Variants in SLC25A48 observed in about 807,000 individuals in gnomAD.
The protein encoded by SLC25A48 is solute carrier family 25 member 48.
SLC25A48 carries 29 observed loss-of-function variants against 32.2 expected under a neutral mutation model. The observed-to-expected ratio is 0.90, with a 90% CI of 0.67 to 1.23. The LOEUF (loss-of-function observed/expected upper bound fraction) is 1.23, where lower values mean the gene tolerates loss of function less well. Among genes scored for constraint, SLC25A48 ranks in the 50% most tolerant of loss-of-function variants. The pLI is 0.00. For synonymous variants in SLC25A48, 164 were observed against 172.3 expected, an observed-to-expected ratio of 0.95 and a Z score of 0.38; for missense variants, 399 against 422.7, an observed-to-expected ratio of 0.94 and a Z score of 0.49.
chr5:135,597,408 G>A (rs776519040), intron 1 of SLC25A48, among the ~76,000 whole-genome samples: 11 of 152,170 alleles, frequency 7.2e-5, no homozygotes, highest in Admixed American at 1.3e-4. Context: ...ACCTGCCTCT[G>A]ACACTGGAAT....
At chr5:135,621,685 C>T (rs1752328241) in intron 1 of SLC25A48, among the ~76,000 whole-genome samples, 1 of 151,662 alleles carries the variant, frequency 6.6e-6, no homozygotes, top group African/African-American at 2.4e-5. Context: ...GGCAATTCAT[C>T]CACTACTAAA....
chr5:135,629,865 A>G lies in SLC25A48; in HGVS notation c.-709+489A>G, dbSNP rs73791016. ...CAGAGAAAACCCTAGGGCAGAAACT[A>G]TCAAGAACTTGCCGAAAGTAGTTGG... On this transcript the variant is annotated intron_variant, in intron 2 of 10. Coordinates refer to the SLC25A48 transcript ENST00000646290. This position sits in a 1 kb window ranked among gnomAD's most constrained non-coding sequence, Gnocchi z 4.8. Among the ~76,000 whole-genome samples, 8 of 152,186 alleles carry G rather than the reference A, an allele frequency of 5.3e-5. No homozygotes were observed. Among genetic ancestry groups the G allele is most frequent in the South Asian group, 2.1e-4 (1 of 4,834 alleles).
chr5:135,757,481 A>AATATC (rs2127014290), intron 3 of SLC25A48, among the ~76,000 whole-genome samples: 1 of 149,570 alleles, frequency 6.7e-6, no homozygotes, highest in South Asian at 2.2e-4. Context: ...ATATTAATAA[A>AATATC]ATATCATCTA....
chr5:135,773,881 C>A (rs895335846), intron 3 of SLC25A48, among the ~76,000 whole-genome samples: 2 of 151,366 alleles, frequency 1.3e-5, no homozygotes, highest in Non-Finnish European at 3.0e-5. Flanking sequence ...GGACTGTACA[C>A]CACCAATGTG....
upstream of SLC25A48, among the ~76,000 whole-genome samples, chr5:135,834,003 A>G (rs944979494): frequency 2.3e-4 from 35 of 152,154 alleles, no homozygotes; most frequent in African/African-American, 7.0e-4. Flanking sequence ...CCTGCTGGAA[A>G]CTAGCAGAAC....
At chr5:135,666,038 A>G (rs781605987) in intron 3 of SLC25A48, among the ~76,000 whole-genome samples, 20 of 152,144 alleles carry the variant, frequency 1.3e-4, no homozygotes, top group Non-Finnish European at 2.8e-4. Flanking sequence ...CCAATGTGTG[A>G]TTTGACTCCT....
At chr5:135,591,340 T>C (rs1751522559) in intron 1 of SLC25A48, among the ~76,000 whole-genome samples, 1 of 152,238 alleles carries the variant, frequency 6.6e-6, no homozygotes, top group Non-Finnish European at 1.5e-5. Flanking sequence ...CTCAATTGTT[T>C]GCCTGATGTC....
chr5:135,766,834 G>T (rs1756245502), intron 3 of SLC25A48, among the ~76,000 whole-genome samples: 1 of 151,732 alleles, frequency 6.6e-6, no homozygotes, highest in Non-Finnish European at 1.5e-5. Flanking sequence ...ACACCATCTT[G>T]CGATATATTT....
intron 3 of SLC25A48, among the ~76,000 whole-genome samples, chr5:135,754,110 T>C (rs902310149): frequency 6.6e-6 from 1 of 151,896 alleles, no homozygotes; most frequent in African/African-American, 2.4e-5. Context: ...GTCTCAAGGA[T>C]ATTATGCAGG....
chr5:135,770,623 A>T (rs1332892946), intron 3 of SLC25A48, among the ~76,000 whole-genome samples: 1 of 151,628 alleles, frequency 6.6e-6, no homozygotes, highest in Non-Finnish European at 1.5e-5. Context: ...GTGGGAGAGG[A>T]TGATATTACT....
chr5:135,605,631 C>T (rs1047729833), intron 1 of SLC25A48, among the ~76,000 whole-genome samples: 1 of 152,232 alleles, frequency 6.6e-6, no homozygotes, highest in Non-Finnish European at 1.5e-5. Context: ...CTACCACTGC[C>T]TGACTTTCTT....
chr5:135,742,507 G>A lies in SLC25A48; in HGVS notation c.-520-70016G>A, dbSNP rs191580965. 47 of 1,576,160 alleles carry A rather than the reference G, an allele frequency of 3.0e-5. 1 individual carries two copies. The East Asian group carries it at 9.3e-4, about 31-fold the overall frequency. On this transcript the variant is annotated intron_variant, in intron 3 of 10. Coordinates refer to the SLC25A48 transcript ENST00000646290. ...CATGGGCAAGGTGGGCACTGAATGTGCTTTTCCCAACACTGCCTTTCCCAA... is the reference window on the plus strand; with the variant it reads ...CATGGGCAAGGTGGGCACTGAATGTACTTTTCCCAACACTGCCTTTCCCAA...
At chr5:135,857,140 A>G (rs1417773541) in intron 4 of SLC25A48, among the ~76,000 whole-genome samples, 1 of 152,224 alleles carries the variant, frequency 6.6e-6, no homozygotes, top group Non-Finnish European at 1.5e-5. Flanking sequence ...TTCCTTAAGA[A>G]GGTCTGGGAC....
At chr5:135,657,086 C>T (rs575159351) in intron 3 of SLC25A48, among the ~76,000 whole-genome samples, 1 of 152,276 alleles carries the variant, frequency 6.6e-6, no homozygotes, top group South Asian at 2.1e-4. Flanking sequence ...TGAATGGGCA[C>T]TCACAATATT....
At chr5:135,737,681 G>A (rs1755406866) in intron 3 of SLC25A48, among the ~76,000 whole-genome samples, 1 of 152,216 alleles carries the variant, frequency 6.6e-6, no homozygotes, top group African/African-American at 2.4e-5. Context: ...CTCTGGTACA[G>A]GAGGTCTGAG....
chr5:135,786,220 C>T (rs1756845946), intron 3 of SLC25A48, among the ~76,000 whole-genome samples: 1 of 151,982 alleles, frequency 6.6e-6, no homozygotes, highest in Non-Finnish European at 1.5e-5. Flanking sequence ...CTCCTTGCAC[C>T]ATGGATCGTA....
intron 3 of SLC25A48, among the ~76,000 whole-genome samples, chr5:135,639,285 A>G (rs1335072185): frequency 2.0e-5 from 3 of 152,236 alleles, no homozygotes; most frequent in Non-Finnish European, 4.4e-5. Flanking sequence ...GAGATGCCAG[A>G]CAATGAAAAC....
intron 3 of SLC25A48, among the ~76,000 whole-genome samples, chr5:135,670,312 T>C (rs2126941404): frequency 6.6e-6 from 1 of 152,312 alleles, no homozygotes; most frequent in Admixed American, 6.5e-5. Flanking sequence ...TAGGGGGCTT[T>C]CTGCAGAACA....
In SLC25A48 at chr5:135,599,940, G is replaced by A. The variant is rs1751753622; in HGVS notation, c.-849+20343G>A. ...CATAGCAATGACCTTGGGAAGAGGA[G>A]TCTATTCCTGTCTGTCCCTGCCATA... On this transcript the variant is annotated intron_variant, in intron 1 of 10. Transcript: ENST00000646290. Among the ~76,000 whole-genome samples, 3 of 151,918 alleles carry A rather than the reference G, an allele frequency of 2.0e-5. No homozygotes were observed. The South Asian group carries it at 6.2e-4, about 32-fold the overall frequency.
Sources: gnomAD v4.1 joint callset for allele counts (sites outside exome capture counted in the v4.1 genomes callset) on GRCh38, gnomAD v4.1.1 for gene constraint, Gnocchi (gnomAD v3.1) non-coding constraint, MANE v1.5 for transcripts, NCBI Gene and HGNC (gene_info 2026-07-23, HGNC 2026-07-21) for gene names.